CSMD3: variants seen among roughly 807,000 people sequenced by gnomAD.
CSMD3 encodes CUB and Sushi multiple domains 3.
A neutral mutation model predicts 435.2 loss-of-function variants in CSMD3; 177 were observed. The ratio of observed to expected loss-of-function variants is 0.41; its 90% CI spans 0.36 to 0.46. CSMD3 has a LOEUF of 0.46. CSMD3 is among the 20% of genes least tolerant of loss of function. The probability of loss-of-function intolerance (pLI) is 0.34; values close to 1 mark genes in which losing one functional copy is unlikely to be tolerated. For synonymous variants in CSMD3, 1,656 were observed against 1,520.5 expected (o/e 1.09, Z -2.07); for missense variants, 4,265 against 4,504.6 (o/e 0.95, Z 1.52).
intron 24 of CSMD3, among the ~76,000 whole-genome samples, chr8:112,563,711 C>T (rs1453190302): frequency 1.3e-5 from 2 of 151,986 alleles, no homozygotes; most frequent in Non-Finnish European, 2.9e-5. Context: ...CCAAATTAAT[C>T]TTCTAGGTGA....
chr8:112,878,962 T>C (rs1195602328), intron 10 of CSMD3, among the ~76,000 whole-genome samples: 2 of 152,166 alleles, frequency 1.3e-5, no homozygotes, highest in Non-Finnish European at 2.9e-5. Context: ...GACCCTGTGA[T>C]GATTGCGTTA....
At chr8:112,394,898 C>T (rs1830737185) in intron 35 of CSMD3, among the ~76,000 whole-genome samples, 1 of 152,142 alleles carries the variant, frequency 6.6e-6, no homozygotes, top group Non-Finnish European at 1.5e-5. Context: ...GCAGTAAGCA[C>T]TCAATAAATT....
chr8:112,683,155 A>G (rs2075938487), intron 15 of CSMD3, among the ~76,000 whole-genome samples: 1 of 151,898 alleles, frequency 6.6e-6, no homozygotes, highest in South Asian at 2.1e-4. Flanking sequence ...CATGACATTT[A>G]TTTTCTGCCA....
At position 113,245,819 on chromosome 8, in the gene CSMD3, G is replaced by A. The variant is rs142650083; in HGVS notation, c.514+32773C>T. On this transcript the variant is annotated intron_variant, in intron 3 of 70. Transcript: ENST00000297405. ...ATATTTCTGTGAGAAAGATCTGCTG[G>A]TGATAAATTCTCTCAGTTTTGGCAT... Among the ~76,000 whole-genome samples the A allele has an allele frequency of 8.3e-3, 1,266 of 152,042 alleles. 18 individuals are homozygous for A. Among genetic ancestry groups the A allele is most frequent in the African/African-American group, 0.029 (1,186 of 41,530 alleles).
intron 10 of CSMD3, among the ~76,000 whole-genome samples, chr8:112,861,701 G>C (rs2129903090): frequency 6.6e-6 from 1 of 151,988 alleles, no homozygotes; most frequent in South Asian, 2.1e-4. Context: ...TTAGGTGCTA[G>C]TGGCCTGATA....
At chr8:113,278,005 A>G (rs2093584826) in intron 3 of CSMD3, among the ~76,000 whole-genome samples, 2 of 151,996 alleles carry the variant, frequency 1.3e-5, no homozygotes, top group South Asian at 2.1e-4. Flanking sequence ...CGTGATAAAT[A>G]AAGATCATAA....
intron 2 of CSMD3, among the ~76,000 whole-genome samples, chr8:113,298,771 G>A (rs1486901553): frequency 1.3e-5 from 2 of 152,168 alleles, no homozygotes; most frequent in Admixed American, 6.5e-5. Context: ...ACAAAGCAGA[G>A]TTCAAGGTCT....
At chr8:113,007,283 G>A (rs1445231414) in intron 6 of CSMD3, among the ~76,000 whole-genome samples, 1 of 151,868 alleles carries the variant, frequency 6.6e-6, no homozygotes, top group South Asian at 2.1e-4. Flanking sequence ...AATTTATGTT[G>A]AATATCTGAC....
rs181250329 is a variant in CSMD3, at chr8:112,737,654, T to C, written c.1973-47604A>G. ...CTGGTTTGAACAATAAATCATATTG[T>C]CACCTTAACAATGATAAAAAAGAAC... On this transcript the variant is annotated intron_variant, in intron 13 of 70. Transcript: ENST00000297405. 1.4e-3 allele frequency among the ~76,000 whole-genome samples: 207 copies of C among 151,964 alleles called. 1 individual carries two copies. The highest frequency in any genetic ancestry group is 2.4e-3 in the Non-Finnish European group (161 of 67,850).
intron 22 of CSMD3, among the ~76,000 whole-genome samples, chr8:112,592,163 T>C (rs1468757320): frequency 6.6e-6 from 1 of 152,024 alleles, no homozygotes; most frequent in East Asian, 1.9e-4. Flanking sequence ...AAATTTTTAG[T>C]CAAAAATATT....
At chr8:112,467,023 A>G (rs1818024815) in intron 32 of CSMD3, among the ~76,000 whole-genome samples, 3 of 152,232 alleles carry the variant, frequency 2.0e-5, no homozygotes, top group African/African-American at 7.2e-5. Context: ...AAAATACATT[A>G]AAGTAGAAAA....
intron 24 of CSMD3, among the ~76,000 whole-genome samples, chr8:112,559,737 A>C (rs1828445799): frequency 6.6e-6 from 1 of 151,914 alleles, no homozygotes; most frequent in African/African-American, 2.4e-5. Context: ...TGAACAAATC[A>C]AAATCTAAGC....
intron 22 of CSMD3, among the ~76,000 whole-genome samples, chr8:112,633,529 T>C (rs2074575031): frequency 1.3e-5 from 2 of 152,242 alleles, no homozygotes; most frequent in South Asian, 4.1e-4. Flanking sequence ...GAATTTTTCA[T>C]AGATGTAAAT....
chr8:113,036,445 A>G (rs2087355465), intron 5 of CSMD3, among the ~76,000 whole-genome samples: 1 of 152,034 alleles, frequency 6.6e-6, no homozygotes, highest in African/African-American at 2.4e-5. Flanking sequence ...GGTTTACTCA[A>G]CAGTAGACAT....
chr8:113,265,785 A>T (rs2093465093), intron 3 of CSMD3, among the ~76,000 whole-genome samples: 1 of 151,542 alleles, frequency 6.6e-6, no homozygotes, highest in Admixed American at 6.6e-5. Context: ...TTAGCTAAAA[A>T]GTCACTTGTG....
intron 13 of CSMD3, among the ~76,000 whole-genome samples, chr8:112,778,557 G>C (rs374725736): frequency 1.3e-5 from 2 of 151,628 alleles, no homozygotes; most frequent in African/African-American, 4.8e-5. Flanking sequence ...TCTTTTTAGC[G>C]CCATAGTTTA....
chr8:112,734,200 A>T (rs2077135636), intron 13 of CSMD3, among the ~76,000 whole-genome samples: 1 of 151,812 alleles, frequency 6.6e-6, no homozygotes, highest in Admixed American at 6.6e-5. Context: ...AAAAATATAT[A>T]TATACATCGG....
At chr8:112,998,243 CATT>C (rs1235299037) in intron 6 of CSMD3, among the ~76,000 whole-genome samples, 3 of 151,782 alleles carry the variant, frequency 2.0e-5, no homozygotes, top group African/African-American at 7.2e-5. Context: ...TTTTCCTTCT[CATT>C]ACCCTGGAAG....
At chr8:112,687,554 A>C (rs1342465825) in intron 14 of CSMD3, among the ~76,000 whole-genome samples, 1 of 152,158 alleles carries the variant, frequency 6.6e-6, no homozygotes, top group South Asian at 2.1e-4. Context: ...ATTTATCTAC[A>C]CAAATATAAA....
Sources: gnomAD v4.1 joint callset for allele counts (sites outside exome capture counted in the v4.1 genomes callset) on GRCh38, gnomAD v4.1.1 for gene constraint, MANE v1.5 for transcripts, NCBI Gene and HGNC (gene_info 2026-07-23, HGNC 2026-07-21) for gene names.